RIN2: variants seen among roughly 807,000 people sequenced by gnomAD.
RIN2 encodes the protein Ras and Rab interactor 2.
RIN2 carries 36 observed loss-of-function variants against 78.0 expected under a neutral mutation model. The ratio of observed to expected loss-of-function variants is 0.46; its 90% CI spans 0.35 to 0.61. The LOEUF (loss-of-function observed/expected upper bound fraction) is 0.61. Among genes scored for constraint, RIN2 ranks in the 20% least tolerant of loss-of-function variants. The pLI is 0.00. For synonymous variants in RIN2, 466 were observed against 466.8 expected, an observed-to-expected ratio of 1.00 and a Z score of 0.02; for missense variants, 1,087 against 1,159.7, an observed-to-expected ratio of 0.94 and a Z score of 0.91.
chr20:19,774,064 T>C (rs1264688555), intron 1 of RIN2, among the ~76,000 whole-genome samples: 1 of 152,086 alleles, frequency 6.6e-6, no homozygotes, highest in Admixed American at 6.6e-5. Context: ...AGCAACTGTG[T>C]TTATGGGCTG....
chr20:19,819,501 A>G (rs532031991), intron 2 of RIN2, among the ~76,000 whole-genome samples: 1 of 152,332 alleles, frequency 6.6e-6, no homozygotes, highest in African/African-American at 2.4e-5. Context: ...CCTTTTATTG[A>G]TACACTTTTG....
At position 19,823,067 on chromosome 20, in the gene RIN2, A is replaced by C. The variant is rs374546261; in HGVS notation, c.-37+23320A>C. 1.1e-4 allele frequency among the ~76,000 whole-genome samples: 16 copies of C among 152,098 alleles called. 3 individuals are homozygous for C. Among genetic ancestry groups the C allele is most frequent in the Admixed American group, 5.2e-4 (8 of 15,282 alleles). On this transcript the variant is annotated intron_variant, in intron 2 of 12. Transcript: ENST00000255006. ...CTTTTTCATGGACTGTTTTTATTCA[A>C]TGCCCATTTTACAGATGAGGAAACT...
chr20:19,924,434 C>CCACCTTCATACCCT (rs1244822733), intron 3 of RIN2, among the ~76,000 whole-genome samples: 25 of 79,372 alleles, frequency 3.1e-4, no homozygotes, highest in African/African-American at 1.3e-3. Context: ...TTTCATACCC[C>CCACCTTCATACCCT]CACCTTCATA....
At chr20:19,815,369 C>T (rs1012340403) in intron 2 of RIN2, among the ~76,000 whole-genome samples, 2 of 152,174 alleles carry the variant, frequency 1.3e-5, no homozygotes, top group South Asian at 4.1e-4. Context: ...AGAAGTTATA[C>T]ATAGGAATCT....
intron 5 of RIN2, among the ~76,000 whole-genome samples, chr20:19,957,099 C>G (rs775056941): frequency 6.6e-6 from 1 of 152,118 alleles, no homozygotes; most frequent in East Asian, 1.9e-4. Context: ...CTGGGTCTGA[C>G]CTCTTGAGCC....
chr20:19,842,172 G>A lies in RIN2; in HGVS notation c.-37+42425G>A, dbSNP rs1020054821. Among the ~76,000 whole-genome samples, 42 of 151,802 alleles carry A rather than the reference G, an allele frequency of 2.8e-4. 1 individual carries two copies. ...TGTGCTCTACAATTGGAACTGTAAA[G>A]CCTGTATGACAGCACATCTGCTTTT... On this transcript the variant is annotated intron_variant, in intron 2 of 12. Coordinates refer to ENST00000255006, the MANE Select transcript of RIN2 (RefSeq NM_018993.4).
At chr20:19,769,335 G>C (rs2034024747) in intron 1 of RIN2, among the ~76,000 whole-genome samples, 3 of 152,232 alleles carry the variant, frequency 2.0e-5, no homozygotes, top group Admixed American at 1.3e-4. Context: ...TAGGAGACCA[G>C]AGAATATGAA....
chr20:19,992,046 G>A (rs2042812253), intron 10 of RIN2, 122 bp from the exon 11 acceptor site: 2 of 1,180,064 alleles, frequency 1.7e-6, no homozygotes. Flanking sequence ...ACTCACCTCT[G>A]TTTATAAATA....
At chr20:19,870,401 CT>C (rs2037654333) in intron 2 of RIN2, among the ~76,000 whole-genome samples, 1 of 152,148 alleles carries the variant, frequency 6.6e-6, no homozygotes, top group South Asian at 2.1e-4. Flanking sequence ...AATCCCAACA[CT>C]TTGGGAGGCC....
intron 2 of RIN2, among the ~76,000 whole-genome samples, chr20:19,858,492 T>C (rs560053892): frequency 6.6e-5 from 10 of 152,296 alleles, no homozygotes; most frequent in African/African-American, 2.4e-4. Flanking sequence ...TTGGAGAAGC[T>C]TGTCAAATTT....
In RIN2 at chr20:19,971,704, T is replaced by C. The variant is rs79938407; in HGVS notation, c.628+775T>C. Among the ~76,000 whole-genome samples the C allele has an allele frequency of 4.9e-3, 738 of 151,876 alleles. 8 individuals are homozygous for C. Among genetic ancestry groups the C allele is most frequent in the African/African-American group, 0.017 (701 of 41,338 alleles). On this transcript the variant is annotated intron_variant, in intron 8 of 12. Coordinates refer to ENST00000255006, the MANE Select transcript of RIN2 (RefSeq NM_018993.4). Reference sequence around the variant, plus strand: ...GAAGCTTCAGCGAGGAGCCTGGGCATAGCTTTGAATTCCCTTCTGCTGAAA... The same window carrying C: ...GAAGCTTCAGCGAGGAGCCTGGGCACAGCTTTGAATTCCCTTCTGCTGAAA...
At position 19,964,897 on chromosome 20, in the gene RIN2, C is replaced by T. The variant is rs74719456; in HGVS notation, c.464-55C>T. ...ACACACATGGTGTTAGGGGCTCTTC[C>T]TGTCCCAGAACGTGCTCAGGGAGAA... On this transcript the variant is annotated intron_variant, in intron 6 of 12. Coordinates refer to ENST00000255006, the MANE Select transcript of RIN2 (RefSeq NM_018993.4). 1,899 of 1,468,644 alleles carry T rather than the reference C, an allele frequency of 1.3e-3. 23 individuals are homozygous for T. The African/African-American group carries it at 0.022, about 17-fold the overall frequency. 91.0% of individuals were successfully genotyped at this position (1,468,644 alleles called of 1,614,324 possible).
intron 2 of RIN2, among the ~76,000 whole-genome samples, chr20:19,816,695 G>A (rs2035777953): frequency 6.6e-6 from 1 of 152,154 alleles, no homozygotes; most frequent in Admixed American, 6.5e-5. Context: ...CAAACAAAAA[G>A]CCTGATCAAA....
At chr20:19,879,993 C>T (rs1481296997) in intron 2 of RIN2, among the ~76,000 whole-genome samples, 2 of 152,030 alleles carry the variant, frequency 1.3e-5, no homozygotes, top group African/African-American at 4.8e-5. Flanking sequence ...TGGCTCATGC[C>T]ATCCCAGCAC....
chr20:19,795,286 G>A (rs1172667097), intron 1 of RIN2, among the ~76,000 whole-genome samples: 1 of 152,168 alleles, frequency 6.6e-6, no homozygotes, highest in Non-Finnish European at 1.5e-5. Context: ...TAATATCTTA[G>A]TTTCTGTAAG....
rs1555818734 is a variant in RIN2, at chr20:19,788,439, A to AACAAAAAACAAAAAAAAAAC, written c.-162-11182_-162-11181insCAAAAAACAAAAAAAAAACA. Among the ~76,000 whole-genome samples the AACAAAAAACAAAAAAAAAAC allele has an allele frequency of 1.5e-5, 2 of 133,034 alleles. 1 individual carries two copies. The highest frequency in any genetic ancestry group is 6.5e-5 in the African/African-American group (2 of 30,596). The allele number at this position is 133,034 out of a possible 152,430, so 87.3% of individuals were successfully genotyped here. On this transcript the variant is annotated intron_variant, in intron 1 of 12. Coordinates refer to ENST00000255006, the MANE Select transcript of RIN2 (RefSeq NM_018993.4). The stretch of plus-strand genomic sequence containing the variant: ...GCGAAATCCTGTCTCTGCCAAAAAA[A>AACAAAAAACAAAAAAAAAAC]AAAAAAAAAACAACTAGCTAGGCAT...
chr20:19,982,666 A>G (rs2042495803), intron 9 of RIN2, among the ~76,000 whole-genome samples: 1 of 152,170 alleles, frequency 6.6e-6, no homozygotes, highest in Admixed American at 6.5e-5. Flanking sequence ...TGTGGATGCC[A>G]TTGTGCTGTG....
At chr20:19,978,873 C>T (rs2042363668) in intron 9 of RIN2, among the ~76,000 whole-genome samples, 1 of 152,202 alleles carries the variant, frequency 6.6e-6, no homozygotes, top group Admixed American at 6.5e-5. Context: ...TTTGGGGGCC[C>T]TACTTAAAGT....
intron 2 of RIN2, chr20:19,886,552 G>A: frequency 1.6e-6 from 1 of 617,048 alleles, no homozygotes; most frequent in Non-Finnish European, 2.9e-6. Flanking sequence ...GGGCTTGGCA[G>A]CTCCCAAATG....
Sources: gnomAD v4.1 joint callset for allele counts (sites outside exome capture counted in the v4.1 genomes callset) on GRCh38, gnomAD v4.1.1 for gene constraint, MANE v1.5 for transcripts, NCBI Gene and HGNC (gene_info 2026-07-23, HGNC 2026-07-21) for gene names.